OXCT1: variants seen among roughly 807,000 people sequenced by gnomAD.
The protein encoded by OXCT1 is 3-oxoacid CoA-transferase 1.
Under a neutral mutation model 69.6 loss-of-function variants are expected in OXCT1, and 27 were observed. The observed-to-expected ratio is 0.39, with a 90% CI of 0.29 to 0.54. The LOEUF is 0.54. Among genes scored for constraint, OXCT1 ranks in the 20% least tolerant of loss-of-function variants. The pLI, the probability that OXCT1 is intolerant of heterozygous loss-of-function variation, is 0.72. For synonymous variants in OXCT1, 202 were observed against 217.8 expected, an observed-to-expected ratio of 0.93 and a Z score of 0.64; for missense variants, 437 against 650.2, an observed-to-expected ratio of 0.67 and a Z score of 3.57.
intron 14 of OXCT1, among the ~76,000 whole-genome samples, chr5:41,759,247 T>C (rs898687933): frequency 6.6e-6 from 1 of 152,066 alleles, no homozygotes; most frequent in African/African-American, 2.4e-5. Context: ...CTGGATAAGC[T>C]TCTTAATACC....
chr5:41,793,447 G>C (rs1293377542), intron 13 of OXCT1, among the ~76,000 whole-genome samples: 1 of 152,194 alleles, frequency 6.6e-6, no homozygotes, highest in Non-Finnish European at 1.5e-5. Flanking sequence ...TTTCTTCCTT[G>C]ATTTAGGTCA....
At chr5:41,847,351 A>G (rs1338002639) in intron 5 of OXCT1, among the ~76,000 whole-genome samples, 1 of 152,154 alleles carries the variant, frequency 6.6e-6, no homozygotes, top group East Asian at 1.9e-4. Context: ...TACCAGAGGT[A>G]CAAGGAGGAA....
At chr5:41,796,975 T>C (rs1746211973) in intron 11 of OXCT1, among the ~76,000 whole-genome samples, 1 of 152,212 alleles carries the variant, frequency 6.6e-6, no homozygotes, top group Non-Finnish European at 1.5e-5. Context: ...ATGGCCAGCC[T>C]GTGTGAGCTC....
intron 2 of OXCT1, among the ~76,000 whole-genome samples, chr5:41,861,708 C>A (rs553042343): frequency 2.6e-5 from 4 of 152,236 alleles, no homozygotes; most frequent in African/African-American, 9.6e-5. Context: ...TGTTTTCCTG[C>A]TTTGTAAATC....
intron 7 of OXCT1, among the ~76,000 whole-genome samples, chr5:41,809,188 T>G (rs2112286316): frequency 1.3e-5 from 2 of 152,030 alleles, no homozygotes; most frequent in East Asian, 3.9e-4. Context: ...CTACAGAAAA[T>G]AAAAGGAAAC....
At chr5:41,822,785 A>G (rs981700403) in intron 7 of OXCT1, among the ~76,000 whole-genome samples, 2 of 152,138 alleles carry the variant, frequency 1.3e-5, no homozygotes, top group African/African-American at 4.8e-5. Flanking sequence ...CTTTCTTTTG[A>G]TTAATGTTAG....
At chr5:41,824,539 C>G (rs1747711808) in intron 7 of OXCT1, among the ~76,000 whole-genome samples, 1 of 152,198 alleles carries the variant, frequency 6.6e-6, no homozygotes. Context: ...TAAAATATTA[C>G]CTTGTACATT....
chr5:41,797,791 A>AT (rs1746248511), intron 11 of OXCT1, among the ~76,000 whole-genome samples: 1 of 152,206 alleles, frequency 6.6e-6, no homozygotes, highest in Non-Finnish European at 1.5e-5. Context: ...ATAGTTTCTA[A>AT]TTCAGTAAGT....
chr5:41,757,643 T>A (rs1373849466), intron 14 of OXCT1, among the ~76,000 whole-genome samples: 1 of 152,128 alleles, frequency 6.6e-6, no homozygotes, highest in Non-Finnish European at 1.5e-5. Context: ...CATCAAAGAA[T>A]ATTCCTTTGG....
intron 14 of OXCT1, among the ~76,000 whole-genome samples, chr5:41,752,119 T>A (rs947134342): frequency 6.6e-6 from 1 of 152,070 alleles, no homozygotes; most frequent in Admixed American, 6.6e-5. Context: ...CATTTAAAAA[T>A]AAATCCTAGT....
At chr5:41,817,325 A>G (rs530915060) in intron 7 of OXCT1, among the ~76,000 whole-genome samples, 2 of 152,326 alleles carry the variant, frequency 1.3e-5, no homozygotes, top group South Asian at 2.1e-4. Flanking sequence ...ATCTAATACT[A>G]TGTTCTTACA....
Position 41,731,630 on chromosome 5 carries a change from C to T in OXCT1, c.*99G>A, listed in dbSNP as rs1395525998. The T allele has an allele frequency of 1.5e-5, 22 of 1,493,038 alleles. No individual in the cohort carries two copies. Among genetic ancestry groups the T allele is most frequent in the Non-Finnish European group, 2.0e-5 (22 of 1,099,022 alleles). 92.5% of individuals were successfully genotyped at this position (1,493,038 alleles called of 1,614,324 possible). A position where few individuals can be genotyped will look rare whatever the true frequency, so the allele number is the denominator to read the frequency against. ...GAAACACAAGAAAACTAATAAAAAA[C>T]CACCTGTTAAATACACAATTATGAT... On this transcript the variant is annotated 3_prime_UTR_variant, in exon 17 of 17. Coordinates refer to ENST00000196371, the MANE Select transcript of OXCT1 (RefSeq NM_000436.4).
At chr5:41,757,116 A>G (rs1408692808) in intron 14 of OXCT1, among the ~76,000 whole-genome samples, 1 of 152,074 alleles carries the variant, frequency 6.6e-6, no homozygotes, top group Non-Finnish European at 1.5e-5. Flanking sequence ...AAGAAGTAGC[A>G]TGATCCCATT....
chr5:41,762,594 G>A lies in OXCT1; in HGVS notation c.1249-394C>T, dbSNP rs1278674086. Among the ~76,000 whole-genome samples, 1 of 152,032 alleles carries A rather than the reference G, an allele frequency of 6.6e-6. No homozygotes were observed. The highest frequency in any genetic ancestry group is 1.5e-5 in the Non-Finnish European group (1 of 68,006). On this transcript the variant is annotated intron_variant, in intron 13 of 16. Transcript: ENST00000196371. The surrounding 1 kb of genome is among the most constrained non-coding windows in gnomAD (Gnocchi z 4.0). ...TCAACTCTACTGAGTCTTCAATTAA[G>A]GGCACTTTCTAAAGTACTCTTGGAT...
rs562916453 is a variant in OXCT1, at chr5:41,851,349, T to C, written c.415-1170A>G. On this transcript the variant is annotated intron_variant, in intron 4 of 16. Transcript: ENST00000196371. ...AAAATCTTCCAGATAACTGATTATC[T>C]AGCCAACGGAAAGAGATGACTCTAC... Among the ~76,000 whole-genome samples the C allele has an allele frequency of 2.6e-5, 4 of 152,338 alleles. No homozygotes were observed. In the South Asian group the frequency reaches 6.2e-4, roughly 24 times the overall value.
At chr5:41,743,233 T>C (rs1456979781) in intron 15 of OXCT1, among the ~76,000 whole-genome samples, 7 of 152,248 alleles carry the variant, frequency 4.6e-5, no homozygotes, top group African/African-American at 1.7e-4. Flanking sequence ...TGGCCAGTGA[T>C]GATGAGCATT....
rs1050495162 is a variant in OXCT1 at position 41,749,427 on chromosome 5, T to G, written c.1419+100A>C. ...TATTCGTTCTGCCCACAGACTAAAT[T>G]AATCCTATGACTACTGGTGTAATAC... On this transcript the variant is annotated intron_variant, in intron 15 of 16. Transcript: ENST00000196371. 13 of 722,328 alleles carry G rather than the reference T, an allele frequency of 1.8e-5. No homozygotes were observed. The Admixed American group carries it at 2.5e-4, about 14-fold the overall frequency. 44.7% of individuals were successfully genotyped at this position (722,328 alleles called of 1,614,324 possible). A position where few individuals can be genotyped will look rare whatever the true frequency, so the allele number is the denominator to read the frequency against.
In OXCT1 at chr5:41,730,680, G is replaced by T. The variant is rs1742576515; in HGVS notation, c.*1049C>A. ...TTTTCAAACCTAATCTACCCACCAT[G>T]TTTATTCCCTGACACTAAAAGTTCA... On this transcript the variant is annotated 3_prime_UTR_variant, in exon 17 of 17. Transcript: ENST00000196371. The T allele has an allele frequency of 6.6e-6, 1 of 152,100 alleles. No individual in the cohort carries two copies. Among genetic ancestry groups the T allele is most frequent in the Non-Finnish European group, 1.5e-5 (1 of 68,026 alleles). The allele number at this position is 152,100 out of a possible 1,614,324, so 9.4% of individuals were successfully genotyped here. A position where few individuals can be genotyped will look rare whatever the true frequency, so the allele number is the denominator to read the frequency against.
rs6862015 is a variant in OXCT1 at position 41,812,942 on chromosome 5, G to T, written c.733-5504C>A. Among the ~76,000 whole-genome samples the T allele has an allele frequency of 4.9e-3, 751 of 151,988 alleles. 8 individuals are homozygous for T. The highest frequency in any genetic ancestry group is 0.017 in the African/African-American group (703 of 41,442). On this transcript the variant is annotated intron_variant, in intron 7 of 16. Coordinates refer to ENST00000196371, the MANE Select transcript of OXCT1 (RefSeq NM_000436.4). Reference sequence around the variant, plus strand: ...AGGCAAATATACTCCTTTCCAAAAGGGGGGCTCAATCTACAACAGTATTCT... The same window carrying T: ...AGGCAAATATACTCCTTTCCAAAAGTGGGGCTCAATCTACAACAGTATTCT...
Sources: gnomAD v4.1 joint callset for allele counts (sites outside exome capture counted in the v4.1 genomes callset) on GRCh38, gnomAD v4.1.1 for gene constraint, Gnocchi (gnomAD v3.1) non-coding constraint, MANE v1.5 for transcripts, NCBI Gene and HGNC (gene_info 2026-07-23, HGNC 2026-07-21) for gene names.